The following CNTLN variants were observed in gnomAD, a reference collection of about 807,000 sequenced individuals.
CNTLN encodes the protein centlein, also known as centlein, centrosomal protein.
CNTLN carries 212 observed loss-of-function variants against 180.0 expected under a neutral mutation model. That is an observed-to-expected ratio of 1.18 (90% CI 1.05 to 1.32). CNTLN has a LOEUF of 1.32. Ranked by LOEUF, CNTLN falls within the 40% of genes most tolerant of loss-of-function variation. CNTLN has a pLI of 0.00. For missense variants in CNTLN, 2,095 were observed against 1,610.9 expected (o/e 1.30, Z -5.14); for synonymous variants, 722 against 563.1 (o/e 1.28, Z -3.99).
chr9:17,425,451 G>A (rs1163974364), intron 18 of CNTLN, among the ~76,000 whole-genome samples: 1 of 152,160 alleles, frequency 6.6e-6, no homozygotes, highest in East Asian at 1.9e-4. Flanking sequence ...ATCTTAGATG[G>A]CTAGCCCTCT....
At chr9:17,441,377 A>G (rs1830097416) in intron 18 of CNTLN, among the ~76,000 whole-genome samples, 2 of 152,180 alleles carry the variant, frequency 1.3e-5, no homozygotes, top group Non-Finnish European at 2.9e-5. Context: ...AAAATATGAT[A>G]ATGAATACAT....
chr9:17,246,804 C>G lies in CNTLN; in HGVS notation c.849+10216C>G, dbSNP rs1220965218. 2.0e-5 allele frequency among the ~76,000 whole-genome samples: 3 copies of G among 152,168 alleles called. No homozygotes were observed. In the East Asian group the frequency reaches 5.8e-4, roughly 29 times the overall value. On this transcript the variant is annotated intron_variant, in intron 5 of 25. Coordinates refer to ENST00000380647, the MANE Select transcript of CNTLN (RefSeq NM_017738.4). ...CTCCCTTTTCTTCAAGCCGAGAAGTCTCTCCACACGTCCATCACCCAAGGG... is the reference window on the plus strand; with the variant it reads ...CTCCCTTTTCTTCAAGCCGAGAAGTGTCTCCACACGTCCATCACCCAAGGG...
At chr9:17,253,481 C>T (rs1033602808) in intron 5 of CNTLN, among the ~76,000 whole-genome samples, 55 of 151,442 alleles carry the variant, frequency 3.6e-4, no homozygotes, top group Admixed American at 7.9e-4. Flanking sequence ...TCTTAACCCT[C>T]CTTGGTTAAA....
intron 2 of CNTLN, among the ~76,000 whole-genome samples, chr9:17,219,429 A>G (rs1171935161): frequency 1.3e-5 from 2 of 152,036 alleles, no homozygotes; most frequent in East Asian, 3.9e-4. Context: ...TTTTCCTGTT[A>G]TGAAAATGTT....
intron 2 of CNTLN, among the ~76,000 whole-genome samples, chr9:17,206,899 C>A (rs1220213764): frequency 1.3e-5 from 2 of 152,188 alleles, no homozygotes; most frequent in Non-Finnish European, 2.9e-5. Context: ...TGCAAAGGGC[C>A]CTCATGACTG....
At chr9:17,216,538 G>C (rs965672149) in intron 2 of CNTLN, among the ~76,000 whole-genome samples, 3 of 152,078 alleles carry the variant, frequency 2.0e-5, no homozygotes, top group Non-Finnish European at 4.4e-5. Flanking sequence ...GGATATGTGT[G>C]CTATATCCTT....
At chr9:17,292,059 G>A (rs547237560) in intron 6 of CNTLN, among the ~76,000 whole-genome samples, 6 of 152,212 alleles carry the variant, frequency 3.9e-5, no homozygotes, top group African/African-American at 1.4e-4. Context: ...AGCTTATGAA[G>A]CTTAGTTTGA....
At chr9:17,144,296 C>T (rs567289299) in intron 2 of CNTLN, among the ~76,000 whole-genome samples, 7 of 152,236 alleles carry the variant, frequency 4.6e-5, no homozygotes, top group Non-Finnish European at 8.8e-5. Flanking sequence ...GTTGCTTGTA[C>T]GTCTAATTCA....
chr9:17,433,172 A>T (rs920140418), intron 18 of CNTLN, among the ~76,000 whole-genome samples: 1 of 152,142 alleles, frequency 6.6e-6, no homozygotes, highest in Non-Finnish European at 1.5e-5. Context: ...GAGTAAAAAA[A>T]GTGACAAATA....
intron 18 of CNTLN, among the ~76,000 whole-genome samples, chr9:17,442,423 G>A (rs1352656544): frequency 6.6e-6 from 1 of 152,128 alleles, no homozygotes; most frequent in Non-Finnish European, 1.5e-5. Context: ...TTTTGAGATG[G>A]AGTCTCGCTC....
intron 2 of CNTLN, among the ~76,000 whole-genome samples, chr9:17,193,989 G>A (rs1821959574): frequency 6.6e-6 from 1 of 152,224 alleles, no homozygotes; most frequent in African/African-American, 2.4e-5. Context: ...TGCACTCTCT[G>A]AAGCCATGGC....
At chr9:17,184,617 C>T (rs754230945) in intron 2 of CNTLN, among the ~76,000 whole-genome samples, 14 of 152,062 alleles carry the variant, frequency 9.2e-5, no homozygotes, top group Non-Finnish European at 1.3e-4. Context: ...TTACTATGAT[C>T]GTGACTACAG....
At chr9:17,431,258 G>C (rs1829404223) in intron 18 of CNTLN, among the ~76,000 whole-genome samples, 1 of 152,070 alleles carries the variant, frequency 6.6e-6, no homozygotes, top group South Asian at 2.1e-4. Context: ...ACTGGGGTGA[G>C]ATGATACCTC....
chr9:17,186,477 C>G (rs1382704792), intron 2 of CNTLN, among the ~76,000 whole-genome samples: 2 of 152,090 alleles, frequency 1.3e-5, no homozygotes, highest in Non-Finnish European at 2.9e-5. Context: ...ATCTGTTGTT[C>G]AAAAATATTT....
At chr9:17,464,358 T>G in intron 20 of CNTLN, 139 bp from the exon 21 acceptor site, 1 of 645,716 alleles carries the variant, frequency 1.5e-6, no homozygotes, top group South Asian at 2.2e-5. Context: ...TGCAGTGCAA[T>G]TCATTTTACT....
At chr9:17,237,541 C>T (rs890508982) in intron 5 of CNTLN, among the ~76,000 whole-genome samples, 11 of 151,356 alleles carry the variant, frequency 7.3e-5, no homozygotes, top group African/African-American at 2.7e-4. Context: ...GTAAAAGATA[C>T]AGTATAACAA....
chr9:17,364,645 G>A (rs1170286644), intron 12 of CNTLN, among the ~76,000 whole-genome samples: 1 of 152,170 alleles, frequency 6.6e-6, no homozygotes, highest in South Asian at 2.1e-4. Flanking sequence ...TATTTAGACT[G>A]TCATTCATGG....
rs184441463 is a variant in CNTLN at position 17,296,984 on chromosome 9, T to A, written c.984-1206T>A. The stretch of plus-strand genomic sequence containing the variant: ...TGAATGAATGACTAGTTTAAAGTTA[T>A]AGGTAAAAATAAGTTCCATTAAGAA... On this transcript the variant is annotated intron_variant, in intron 6 of 25. Coordinates refer to ENST00000380647, the MANE Select transcript of CNTLN (RefSeq NM_017738.4). Among the ~76,000 whole-genome samples, 349 of 152,312 alleles carry A rather than the reference T, an allele frequency of 2.3e-3. 1 individual carries two copies. The highest frequency in any genetic ancestry group is 7.8e-3 in the African/African-American group (326 of 41,570).
intron 5 of CNTLN, among the ~76,000 whole-genome samples, chr9:17,264,018 C>A (rs1193034816): frequency 1.4e-5 from 2 of 145,578 alleles, no homozygotes; most frequent in Non-Finnish European, 3.0e-5. Context: ...ATGATAGTTT[C>A]TTTTGCTGTG....
Sources: gnomAD v4.1 joint callset for allele counts (sites outside exome capture counted in the v4.1 genomes callset) on GRCh38, gnomAD v4.1.1 for gene constraint, MANE v1.5 for transcripts, NCBI Gene and HGNC (gene_info 2026-07-23, HGNC 2026-07-21) for gene names.